Variants in LRP2BP observed in about 807,000 individuals in gnomAD.
LRP2BP encodes LRP2 binding protein.
A neutral mutation model predicts 45.2 loss-of-function variants in LRP2BP; 38 were observed. The ratio of observed to expected loss-of-function variants is 0.84; its 90% CI spans 0.65 to 1.10. The LOEUF is 1.10. Among genes scored for constraint, LRP2BP ranks in the 50% least tolerant of loss-of-function variants. The probability of loss-of-function intolerance (pLI) is 0.00; values close to 1 mark genes in which losing one functional copy is unlikely to be tolerated. For missense variants in LRP2BP, 385 were observed against 418.9 expected (o/e 0.92, Z 0.71); for synonymous variants, 153 against 153.9 (o/e 0.99, Z 0.04).
At chr4:185,378,930 G>A in intron 1 of LRP2BP, 1 of 985,362 alleles carries the variant, frequency 1.0e-6, no homozygotes, top group South Asian at 4.7e-5. Flanking sequence ...CTGATTGGTG[G>A]TCAAGAGAAG....
chr4:185,382,518 T>C (rs1478120567), intron 1 of LRP2BP, among the ~76,000 whole-genome samples: 3 of 152,224 alleles, frequency 2.0e-5, no homozygotes, highest in African/African-American at 4.8e-5. Flanking sequence ...CACCAACACC[T>C]GTTGTTGCCT....
Position 185,394,858 on chromosome 4 carries a change from T to C in LRP2BP, c.-101A>G, listed in dbSNP as rs2095497615. On this transcript the variant is annotated 5_prime_UTR_variant, in exon 1 of 9. It removes an upstream start codon present in the reference 5' UTR. Coordinates refer to ENST00000505916, the MANE Select transcript of LRP2BP (RefSeq NM_001377440.1). ...AACGCATCTACCAGCAATTAAAACA[T>C]GTAGAATTAGCACTGCTTAGGAGAA... 1.0e-6 allele frequency: 1 copy of C among 985,410 alleles called. No individual in the cohort carries two copies. Among genetic ancestry groups the C allele is most frequent in the African/African-American group, 1.7e-5 (1 of 57,350 alleles). 61.0% of individuals were successfully genotyped at this position (985,410 alleles called of 1,614,324 possible).
At chr4:185,377,842 C>T (rs2095443240) in intron 2 of LRP2BP, 3 of 392,600 alleles carry the variant, frequency 7.6e-6, no homozygotes, top group Non-Finnish European at 1.4e-5. Flanking sequence ...TTTCTAGAAG[C>T]ATGTCCTTAA....
chr4:185,384,242 A>T (rs1283304701), intron 1 of LRP2BP, among the ~76,000 whole-genome samples: 1 of 152,168 alleles, frequency 6.6e-6, no homozygotes, highest in Non-Finnish European at 1.5e-5. Context: ...GGACACAACA[A>T]GGCACTGTCC....
chr4:185,396,964 TCA>T (rs536545116), upstream of LRP2BP: 317 of 1,613,402 alleles, frequency 2.0e-4, 7 homozygotes, highest in South Asian at 3.0e-3. Context: ...AGATTCGGGC[TCA>T]CAGAGCCCGA....
intron 7 of LRP2BP, 98 bp downstream of exon 7, chr4:185,372,758 T>TG: frequency 9.7e-7 from 1 of 1,034,852 alleles, no homozygotes; most frequent in South Asian, 1.6e-5. Flanking sequence ...AGCCCTCTCC[T>TG]GGCCTCTGGA....
rs2095499995 is a variant in LRP2BP at position 185,395,631 on chromosome 4, G to A, written c.-874C>T. ...CACATTTATATTCAAATATTCATAT[G>A]AATAAAAATGCTTAAAACTACCCCT... On this transcript the variant is annotated 5_prime_UTR_variant, in exon 1 of 9. Transcript: ENST00000505916. The A allele has an allele frequency of 1.0e-6, 1 of 982,760 alleles. No individual in the cohort carries two copies. Among genetic ancestry groups the A allele is most frequent in the Non-Finnish European group, 1.2e-6 (1 of 827,608 alleles). 60.9% of individuals were successfully genotyped at this position (982,760 alleles called of 1,614,324 possible).
chr4:185,376,359 C>T (rs1185138709), intron 3 of LRP2BP, among the ~76,000 whole-genome samples: 3 of 152,058 alleles, frequency 2.0e-5, no homozygotes, highest in Admixed American at 6.5e-5. Context: ...CTCACTGCAA[C>T]CTCTGCCTCC....
At chr4:185,395,990 C>G, upstream of LRP2BP, 1 of 836,716 alleles carries the variant, frequency 1.2e-6, no homozygotes. Flanking sequence ...AAAGCAGTGA[C>G]GCACGCCCGA....
chr4:185,377,270 G>A (rs28621464), intron 2 of LRP2BP: 94,795 of 395,812 alleles, frequency 0.24, 12,700 homozygotes, highest in African/African-American at 0.42. Flanking sequence ...GTAAATCTCA[G>A]CACTCTGGGA....
intron 2 of LRP2BP, 24 bp downstream of exon 2, chr4:185,378,057 A>C: frequency 1.3e-6 from 2 of 1,571,944 alleles, no homozygotes; most frequent in South Asian, 2.3e-5. Flanking sequence ...TTTCCAAGGG[A>C]AGCTTAAATA....
At chr4:185,367,984 C>T (rs1186794157) in intron 8 of LRP2BP, among the ~76,000 whole-genome samples, 1 of 152,116 alleles carries the variant, frequency 6.6e-6, no homozygotes, top group Non-Finnish European at 1.5e-5. Context: ...TCGAGACCAT[C>T]CCGGCTAACA....
chr4:185,396,731 G>A (rs971607204), upstream of LRP2BP: 2 of 620,112 alleles, frequency 3.2e-6, no homozygotes, highest in Non-Finnish European at 5.7e-6. Flanking sequence ...ACAGGGTCCG[G>A]GTCGTTGAGG....
chr4:185,385,437 A>C (rs2126831012), intron 1 of LRP2BP, among the ~76,000 whole-genome samples: 1 of 152,320 alleles, frequency 6.6e-6, no homozygotes, highest in South Asian at 2.1e-4. Context: ...CGCAAAGAGA[A>C]TTGAAAAAAA....
rs150014613 is a variant in LRP2BP, at chr4:185,366,216, A to C, written c.*964T>G. On this transcript the variant is annotated 3_prime_UTR_variant, in exon 9 of 9. Coordinates refer to ENST00000505916, the MANE Select transcript of LRP2BP (RefSeq NM_001377440.1). ...TTTTACTGTCACCTTTTGCCTTCAT[A>C]GATGTCATCTATATACGGAAAGCCT... 1 of 152,224 alleles carries C rather than the reference A, an allele frequency of 6.6e-6. No homozygotes were observed. The highest frequency in any genetic ancestry group is 2.4e-5 in the African/African-American group (1 of 41,460). 9.4% of individuals were successfully genotyped at this position (152,224 alleles called of 1,614,324 possible). A position where few individuals can be genotyped will look rare whatever the true frequency, so the allele number is the denominator to read the frequency against.
At chr4:185,378,724 C>T in intron 1 of LRP2BP, 6 of 985,808 alleles carry the variant, frequency 6.1e-6, no homozygotes, top group Non-Finnish European at 7.2e-6. Context: ...AGATGGATCA[C>T]AGTTGAATGG....
rs200247674 is a variant in LRP2BP at position 185,371,502 on chromosome 4, A to G, written c.804-688T>C. On this transcript the variant is annotated intron_variant, in intron 7 of 8. Transcript: ENST00000505916. ...GCTTGCAGTGAGCCGAGATCGCACC[A>G]CTGCACTCCAGCCTGGGCAACAGAG... Among the ~76,000 whole-genome samples, 31 of 142,808 alleles carry G rather than the reference A, an allele frequency of 2.2e-4. No homozygotes were observed. The East Asian group carries it at 4.5e-3, about 21-fold the overall frequency. The allele number at this position is 142,808 out of a possible 152,430, so 93.7% of individuals were successfully genotyped here. A position where few individuals can be genotyped will look rare whatever the true frequency, so the allele number is the denominator to read the frequency against.
chr4:185,375,487 A>AAAAAAAAAAAATATATAT (rs1554018308), intron 4 of LRP2BP, 126 bp downstream of exon 4: 3 of 12,012 alleles, frequency 2.5e-4, no homozygotes, highest in Non-Finnish European at 4.4e-4. Flanking sequence ...AAAAAAAAAA[A>AAAAAAAAAAAATATATAT]ATATATATAT....
Position 185,387,982 on chromosome 4 carries a change from C to G in LRP2BP, c.-22+6797G>C, listed in dbSNP as rs374451909. Among the ~76,000 whole-genome samples, 192 of 152,334 alleles carry G rather than the reference C, an allele frequency of 1.3e-3. 1 individual carries two copies. Among genetic ancestry groups the G allele is most frequent in the African/African-American group, 4.4e-3 (181 of 41,584 alleles). ...AAGTGGAAAGGCTGTGTGACGAGCC[C>G]TCGACAGGAAAAGCGACGCAGTAGG... On this transcript the variant is annotated intron_variant, in intron 1 of 8. Transcript: ENST00000505916.
Sources: allele counts gnomAD v4.1 joint callset (sites outside exome capture counted in the v4.1 genomes callset), GRCh38; gene constraint gnomAD v4.1.1; transcripts MANE v1.5; gene names NCBI Gene and HGNC (gene_info 2026-07-23, HGNC 2026-07-21).